OR2L13: variants seen among roughly 807,000 people sequenced by gnomAD.
OR2L13 encodes the protein olfactory receptor family 2 subfamily L member 13, also known as olfactory receptor 2L13.
Under a neutral mutation model 15.3 loss-of-function variants are expected in OR2L13, and 14 were observed. That is an observed-to-expected ratio of 0.91 (90% CI 0.60 to 1.43). OR2L13 has a LOEUF of 1.43. Among genes scored for constraint, OR2L13 ranks in the 40% most tolerant of loss-of-function variants. The pLI is 0.00. For synonymous variants in OR2L13, 152 were observed against 142.9 expected, an observed-to-expected ratio of 1.06 and a Z score of -0.45; for missense variants, 367 against 387.9, an observed-to-expected ratio of 0.95 and a Z score of 0.45.
chr1:248,058,839 T>A, the OR2L13 span, among the ~76,000 whole-genome samples: 2 of 152,118 alleles, frequency 1.3e-5, no homozygotes, highest in African/African-American at 4.8e-5. Context: ...CTACTTTTTT[T>A]ATCTTTCCTA....
the OR2L13 span, among the ~76,000 whole-genome samples, chr1:247,976,886 C>T: frequency 2.0e-5 from 3 of 152,120 alleles, no homozygotes; most frequent in Middle Eastern, 3.2e-3. Flanking sequence ...TTGGTTTTAC[C>T]TTTAATGCAT....
At chr1:248,060,978 G>A in the OR2L13 span, 1 of 1,613,854 alleles carries the variant, frequency 6.2e-7, no homozygotes, top group Non-Finnish European at 8.5e-7. Context: ...GTGGGATTCA[G>A]AGTTTCTTCT....
chr1:248,070,436 A>G, the OR2L13 span, among the ~76,000 whole-genome samples: 3 of 152,212 alleles, frequency 2.0e-5, no homozygotes, highest in African/African-American at 7.2e-5. Flanking sequence ...ACAAGAACAA[A>G]GACACAACAT....
the OR2L13 span, among the ~76,000 whole-genome samples, chr1:247,984,090 G>T: frequency 6.6e-6 from 1 of 152,128 alleles, no homozygotes; most frequent in Non-Finnish European, 1.5e-5. Context: ...TTGCTTCAAG[G>T]TTCCGTCTCT....
the OR2L13 span, among the ~76,000 whole-genome samples, chr1:248,080,383 C>T: frequency 6.6e-6 from 1 of 152,120 alleles, no homozygotes; most frequent in East Asian, 1.9e-4. Context: ...CACCCATCAA[C>T]TCATCATCTA....
the OR2L13 span, among the ~76,000 whole-genome samples, chr1:248,089,773 G>C: frequency 2.4e-4 from 36 of 152,258 alleles, no homozygotes; most frequent in African/African-American, 7.5e-4. Flanking sequence ...ACAGAGCTCG[G>C]ACAACCATGT....
chr1:248,002,659 C>T, the OR2L13 span, among the ~76,000 whole-genome samples: 3 of 152,096 alleles, frequency 2.0e-5, no homozygotes, highest in Non-Finnish European at 4.4e-5. Flanking sequence ...GAGATCAAGA[C>T]CATCCTGTGT....
the OR2L13 span, among the ~76,000 whole-genome samples, chr1:248,056,246 T>C: frequency 2.0e-5 from 3 of 152,318 alleles, no homozygotes; most frequent in South Asian, 6.2e-4. Context: ...TATGTATACA[T>C]GTGCCATGTT....
the OR2L13 span, among the ~76,000 whole-genome samples, chr1:247,994,357 A>C: frequency 9.9e-5 from 15 of 152,164 alleles, no homozygotes; most frequent in African/African-American, 3.6e-4. Context: ...ATATCGCTCC[A>C]CTGCACTCCA....
the OR2L13 span, among the ~76,000 whole-genome samples, chr1:247,947,655 G>A: frequency 6.6e-6 from 1 of 152,126 alleles, no homozygotes; most frequent in Non-Finnish European, 1.5e-5. Context: ...TAACATATTT[G>A]GTAAGGGGTC....
At chr1:247,960,522 T>TG in the OR2L13 span, among the ~76,000 whole-genome samples, 1 of 152,174 alleles carries the variant, frequency 6.6e-6, no homozygotes, top group Non-Finnish European at 1.5e-5. Flanking sequence ...TGTTCAGGTA[T>TG]GCCCTGCCCC....
At chr1:248,080,848 A>G in the OR2L13 span, among the ~76,000 whole-genome samples, 1 of 152,190 alleles carries the variant, frequency 6.6e-6, no homozygotes, top group Non-Finnish European at 1.5e-5. Flanking sequence ...AGGAATCACC[A>G]CACTGTCTTC....
At chr1:248,039,169 C>G in the OR2L13 span, 1 of 1,611,800 alleles carries the variant, frequency 6.2e-7, no homozygotes. Context: ...GGGGCCCTGA[C>G]ACAAGTGATT....
chr1:247,974,744 G>A, the OR2L13 span: 2 of 233,798 alleles, frequency 8.6e-6, no homozygotes, highest in Admixed American at 4.1e-5. Context: ...AATGCCCCAT[G>A]GAAAAATACA....
the OR2L13 span, among the ~76,000 whole-genome samples, chr1:247,944,285 A>AT: frequency 4.0e-5 from 6 of 151,586 alleles, no homozygotes; most frequent in Non-Finnish European, 7.4e-5. Context: ...ATGCTTTATT[A>AT]TTTTTTTAAT....
At chr1:248,039,183 A>G in the OR2L13 span, 1 of 1,610,440 alleles carries the variant, frequency 6.2e-7, no homozygotes, top group South Asian at 1.1e-5. Flanking sequence ...AGTGATTCAG[A>G]AAATCTTCTC....
At chr1:248,073,656 T>TA in the OR2L13 span, among the ~76,000 whole-genome samples, 2 of 150,424 alleles carry the variant, frequency 1.3e-5, no homozygotes, top group East Asian at 3.9e-4. Flanking sequence ...ATTAAAAAAA[T>TA]AAAAAATAAA....
chr1:248,086,833 CTTT>C, the OR2L13 span, among the ~76,000 whole-genome samples: 21 of 150,952 alleles, frequency 1.4e-4, no homozygotes, highest in Admixed American at 3.3e-4. Flanking sequence ...AAATATATAT[CTTT>C]TTATTTATTT....
At chr1:248,007,000 T>A in the OR2L13 span, among the ~76,000 whole-genome samples, 12 of 152,308 alleles carry the variant, frequency 7.9e-5, no homozygotes, top group South Asian at 2.5e-3. Context: ...CTGTTTTTGT[T>A]ATTTATTATT....
Sources: gnomAD v4.1 joint callset for allele counts (sites outside exome capture counted in the v4.1 genomes callset) on GRCh38, gnomAD v4.1.1 for gene constraint, MANE v1.5 for transcripts, NCBI Gene and HGNC (gene_info 2026-07-23, HGNC 2026-07-21) for gene names.